The following OR9Q1 variants were observed in gnomAD, a reference collection of about 807,000 sequenced individuals.
OR9Q1 encodes the protein olfactory receptor 9Q1.
For missense variants in OR9Q1, 374 were observed against 378.8 expected (o/e 0.99, Z 0.11); for synonymous variants, 153 against 148.6 (o/e 1.03, Z -0.22).
intron 2 of OR9Q1, among the ~76,000 whole-genome samples, chr11:58,158,416 G>A (rs1413261610): frequency 8.8e-6 from 1 of 113,748 alleles, no homozygotes; most frequent in Non-Finnish European, 1.7e-5. Flanking sequence ...AGCCGCCTAG[G>A]TCTGCTTTTT....
intron 2 of OR9Q1, among the ~76,000 whole-genome samples, chr11:58,154,601 G>T (rs944404925): frequency 7.2e-5 from 11 of 152,084 alleles, no homozygotes; most frequent in African/African-American, 2.4e-4. Context: ...TAGAAGAGAA[G>T]ATCTGAAACA....
intron 1 of OR9Q1, chr11:58,031,941 ATAT>A: frequency 7.8e-7 from 1 of 1,283,930 alleles, no homozygotes. Context: ...CTTGCCTTGG[ATAT>A]TTAAAAACAG....
chr11:58,121,331 A>G (rs915817065), intron 2 of OR9Q1, among the ~76,000 whole-genome samples: 2 of 152,210 alleles, frequency 1.3e-5, no homozygotes, highest in African/African-American at 4.8e-5. Context: ...CAGGATACTC[A>G]TTAAAATGCC....
Position 58,179,688 on chromosome 11 carries a change from C to G in OR9Q1, c.244C>G (p.Leu82Val). 6.2e-7 allele frequency: 1 copy of G among 1,614,090 alleles called. No individual in the cohort carries two copies. The highest frequency in any genetic ancestry group is 8.5e-7 in the Non-Finnish European group (1 of 1,179,950). ...CTCATCTATCACTGTCCCCCAGATGCTGGCAGTGCTGCTGGAGCATGGGGC... is the reference window on the plus strand; with the variant it reads ...CTCATCTATCACTGTCCCCCAGATGGTGGCAGTGCTGCTGGAGCATGGGGC... ...CYSSITVPQMLAVLLEHGAAL... is the reference protein window; with the variant it reads ...CYSSITVPQMVAVLLEHGAAL... Residue 82 changes from leucine to valine, a missense_variant, in exon 3 of 3, where the codon CTG becomes GTG. Leu to Val is a conservative substitution (Grantham distance 32). Coordinates refer to ENST00000335397, the MANE Select transcript of OR9Q1 (RefSeq NM_001005212.4).
chr11:58,042,106 C>A (rs1440455683), intron 1 of OR9Q1, among the ~76,000 whole-genome samples: 2 of 152,108 alleles, frequency 1.3e-5, no homozygotes, highest in Non-Finnish European at 2.9e-5. Flanking sequence ...CTTTTTAAAC[C>A]GTGCTACCCT....
At chr11:58,034,338 C>T (rs922605941) in intron 1 of OR9Q1, among the ~76,000 whole-genome samples, 3 of 151,952 alleles carry the variant, frequency 2.0e-5, no homozygotes, top group East Asian at 3.9e-4. Context: ...CTGCCCACCT[C>T]GGCCTCCCAA....
chr11:58,170,200 G>C (rs1854541330), intron 2 of OR9Q1, among the ~76,000 whole-genome samples: 1 of 152,082 alleles, frequency 6.6e-6, no homozygotes, highest in African/African-American at 2.4e-5. Flanking sequence ...ACGAGGACTT[G>C]TATCATTTAC....
At chr11:58,030,617 T>C (rs969155829) in intron 1 of OR9Q1, among the ~76,000 whole-genome samples, 11 of 152,176 alleles carry the variant, frequency 7.2e-5, no homozygotes, top group Non-Finnish European at 1.5e-4. Flanking sequence ...TATCTCTACC[T>C]TTTGTCTCAC....
intron 2 of OR9Q1, among the ~76,000 whole-genome samples, chr11:58,105,079 GAT>G (rs1491435107): frequency 7.7e-6 from 1 of 129,808 alleles, no homozygotes; most frequent in Non-Finnish European, 1.8e-5. Flanking sequence ...TGAGAAGGTA[GAT>G]TTTTTTTTTT....
intron 2 of OR9Q1, among the ~76,000 whole-genome samples, chr11:58,134,734 A>G (rs1209467464): frequency 6.6e-6 from 1 of 152,120 alleles, no homozygotes; most frequent in Non-Finnish European, 1.5e-5. Flanking sequence ...CAGGGCATCC[A>G]TATCCCTATG....
chr11:58,128,405 A>G (rs1273593914), intron 2 of OR9Q1, among the ~76,000 whole-genome samples: 1 of 152,154 alleles, frequency 6.6e-6, no homozygotes, highest in East Asian at 1.9e-4. Context: ...TGAGAAACAA[A>G]TCCAAGTATC....
At chr11:58,175,085 G>A (rs1854591327) in intron 2 of OR9Q1, among the ~76,000 whole-genome samples, 1 of 107,468 alleles carries the variant, frequency 9.3e-6, no homozygotes, top group Non-Finnish European at 1.7e-5. Flanking sequence ...CAGCCTGGGC[G>A]ACAGAGTGAG....
At chr11:58,061,213 A>G (rs945389384) in intron 2 of OR9Q1, among the ~76,000 whole-genome samples, 3 of 152,162 alleles carry the variant, frequency 2.0e-5, no homozygotes, top group African/African-American at 4.8e-5. Context: ...ATATGTGCAG[A>G]CAAGTTCTTT....
chr11:58,170,609 G>C (rs778368975), intron 2 of OR9Q1, among the ~76,000 whole-genome samples: 2 of 152,126 alleles, frequency 1.3e-5, no homozygotes, highest in African/African-American at 2.4e-5. Context: ...TGTTATAGGA[G>C]GGACCCAGTG....
chr11:58,038,294 C>G (rs1277587502), intron 1 of OR9Q1, among the ~76,000 whole-genome samples: 1 of 152,146 alleles, frequency 6.6e-6, no homozygotes, highest in Admixed American at 6.5e-5. Context: ...TTTAAAGCCA[C>G]TACTAATGGC....
chr11:58,152,861 G>T (rs957750232), intron 2 of OR9Q1, among the ~76,000 whole-genome samples: 6 of 151,874 alleles, frequency 4.0e-5, no homozygotes, highest in African/African-American at 1.5e-4. Context: ...AATCAATCTT[G>T]AATTTATTTT....
chr11:58,077,537 A>T (rs1032573303), intron 2 of OR9Q1: 1 of 152,198 alleles, frequency 6.6e-6, no homozygotes, highest in Non-Finnish European at 1.5e-5. Context: ...TCCCAAAGGA[A>T]GGTCATAGCA....
chr11:58,165,049 A>G (rs1014211344), intron 2 of OR9Q1, among the ~76,000 whole-genome samples: 1 of 152,216 alleles, frequency 6.6e-6, no homozygotes, highest in Non-Finnish European at 1.5e-5. Context: ...ATTTTTCTGC[A>G]TAGCACACCA....
At chr11:58,089,869 CT>C in intron 2 of OR9Q1, among the ~76,000 whole-genome samples, 1 of 151,900 alleles carries the variant, frequency 6.6e-6, no homozygotes, top group Admixed American at 6.5e-5. Context: ...CCTTCACATC[CT>C]TTGTAAGTTG....
Sources: allele counts gnomAD v4.1 joint callset (sites outside exome capture counted in the v4.1 genomes callset), GRCh38; gene constraint gnomAD v4.1.1; transcripts MANE v1.5; gene names NCBI Gene and HGNC (gene_info 2026-07-23, HGNC 2026-07-21).